Variants in DOCK3 observed in about 807,000 individuals in gnomAD.
The protein encoded by DOCK3 is dedicator of cytokinesis 3.
A neutral mutation model predicts 265.6 loss-of-function variants in DOCK3; 60 were observed. The ratio of observed to expected loss-of-function variants is 0.23; its 90% confidence interval spans 0.18 to 0.28. DOCK3 has a LOEUF of 0.28. Among genes scored for constraint, DOCK3 ranks in the 10% least tolerant of loss-of-function variants. The probability of loss-of-function intolerance (pLI) is 1.00; values close to 1 mark genes in which losing one functional copy is unlikely to be tolerated. For synonymous variants in DOCK3, 881 were observed against 938.0 expected (o/e 0.94, Z 1.11); for missense variants, 1,981 against 2,594.3 (o/e 0.76, Z 5.14).
chr3:50,755,655 T>A (rs993998934), intron 1 of DOCK3, among the ~76,000 whole-genome samples: 1 of 152,202 alleles, frequency 6.6e-6, no homozygotes, highest in African/African-American at 2.4e-5. Context: ...CTGTGCCCAA[T>A]AGCAATCAAT....
intron 12 of DOCK3, among the ~76,000 whole-genome samples, chr3:51,206,802 T>C (rs2089239521): frequency 6.6e-6 from 1 of 152,102 alleles, no homozygotes; most frequent in African/African-American, 2.4e-5. Flanking sequence ...CATTAGAAGA[T>C]TATTATACCG....
chr3:50,886,836 C>A (rs1027131210), intron 3 of DOCK3, among the ~76,000 whole-genome samples: 1 of 151,928 alleles, frequency 6.6e-6, no homozygotes, highest in African/African-American at 2.4e-5. Context: ...ACACAACATA[C>A]CAGAATCTCT....
At chr3:51,125,566 C>T (rs1210400608) in intron 9 of DOCK3, among the ~76,000 whole-genome samples, 1 of 152,080 alleles carries the variant, frequency 6.6e-6, no homozygotes, top group East Asian at 1.9e-4. Flanking sequence ...CAAGACTTTG[C>T]CTCATTGAGG....
At chr3:51,002,665 T>C (rs1471997931) in intron 5 of DOCK3, among the ~76,000 whole-genome samples, 1 of 152,222 alleles carries the variant, frequency 6.6e-6, no homozygotes, top group East Asian at 1.9e-4. Context: ...ACCACATTTG[T>C]TTAAACAGCC....
intron 5 of DOCK3, among the ~76,000 whole-genome samples, chr3:50,956,923 C>T (rs1003754972): frequency 5.9e-5 from 9 of 152,094 alleles, no homozygotes; most frequent in African/African-American, 1.7e-4. Context: ...AGTGCAGTGA[C>T]GCCATTTCGG....
intron 7 of DOCK3, 28 bp from the exon 8 acceptor site, chr3:51,089,215 G>C (rs1458436373): frequency 2.5e-6 from 4 of 1,589,942 alleles, no homozygotes; most frequent in Non-Finnish European, 3.4e-6. Flanking sequence ...TCCCGGTAGA[G>C]TTTATTTTTC....
rs375544689 is a variant in DOCK3, at chr3:51,008,580, C to T, written c.316-55868C>T. Among the ~76,000 whole-genome samples the T allele has an allele frequency of 4.0e-4, 61 of 152,272 alleles. 1 individual carries two copies. In the East Asian group the frequency reaches 4.4e-3, roughly 11 times the overall value. ...ACAATCATGTCGTCTGCAACAGGGACAATTTGACTTCCTCTTTTCCTAATT... is the reference window on the plus strand; with the variant it reads ...ACAATCATGTCGTCTGCAACAGGGATAATTTGACTTCCTCTTTTCCTAATT... On this transcript the variant is annotated intron_variant, in intron 5 of 52. Transcript: ENST00000266037.
chr3:51,136,609 G>C (rs1193799010), intron 9 of DOCK3, among the ~76,000 whole-genome samples: 1 of 152,048 alleles, frequency 6.6e-6, no homozygotes, highest in Non-Finnish European at 1.5e-5. Context: ...GTGTGTCTCT[G>C]TTCCACCAGA....
intron 5 of DOCK3, among the ~76,000 whole-genome samples, chr3:50,969,696 T>C (rs562013197): frequency 2.0e-5 from 3 of 152,328 alleles, no homozygotes; most frequent in South Asian, 4.1e-4. Context: ...CCTTAGTGTT[T>C]GCTTGTCTAG....
chr3:50,785,668 C>A (rs2042145478), intron 2 of DOCK3, among the ~76,000 whole-genome samples: 1 of 152,140 alleles, frequency 6.6e-6, no homozygotes, highest in Admixed American at 6.5e-5. Flanking sequence ...AAACCCACTT[C>A]ATCATGGTGG....
At chr3:50,704,161 T>C (rs1276650823) in intron 1 of DOCK3, among the ~76,000 whole-genome samples, 1 of 152,218 alleles carries the variant, frequency 6.6e-6, no homozygotes, top group African/African-American at 2.4e-5. Context: ...ATTTTGATTT[T>C]TAAGAATATG....
intron 5 of DOCK3, among the ~76,000 whole-genome samples, chr3:51,053,550 T>C (rs1268421044): frequency 6.6e-6 from 1 of 151,698 alleles, no homozygotes; most frequent in African/African-American, 2.4e-5. Context: ...ACCTCCTGAG[T>C]AGCTGGGACT....
At chr3:50,764,902 A>G (rs923070428) in intron 1 of DOCK3, among the ~76,000 whole-genome samples, 1 of 152,016 alleles carries the variant, frequency 6.6e-6, no homozygotes, top group Admixed American at 6.6e-5. Flanking sequence ...AACAATGAGT[A>G]ATGTTAAAGG....
chr3:50,991,674 A>G (rs1018357903), intron 5 of DOCK3, among the ~76,000 whole-genome samples: 7 of 152,182 alleles, frequency 4.6e-5, no homozygotes, highest in Admixed American at 4.6e-4. Context: ...AGTATTAGAC[A>G]GATCATTGAG....
At chr3:51,308,595 T>C (rs1207637035) in intron 27 of DOCK3, among the ~76,000 whole-genome samples, 4 of 152,208 alleles carry the variant, frequency 2.6e-5, no homozygotes. Context: ...CAGAACAAAA[T>C]GAAAAGTCTC....
intron 22 of DOCK3, 118 bp downstream of exon 22, chr3:51,246,925 G>A (rs975705737): frequency 1.0e-4 from 98 of 984,848 alleles, no homozygotes; most frequent in Non-Finnish European, 1.4e-4. Context: ...CTGCTTTCAG[G>A]AATGACTGTC....
chr3:50,905,222 T>G (rs2049419556), intron 4 of DOCK3, among the ~76,000 whole-genome samples: 2 of 152,176 alleles, frequency 1.3e-5, no homozygotes. Flanking sequence ...TTCTTTTGGC[T>G]TAGGATTGTC....
intron 2 of DOCK3, among the ~76,000 whole-genome samples, chr3:50,831,700 G>A (rs1310320536): frequency 6.6e-6 from 1 of 152,140 alleles, no homozygotes; most frequent in Non-Finnish European, 1.5e-5. Context: ...ATGTGTGCAT[G>A]CATCTTTATA....
chr3:51,279,682 T>C (rs902415425), intron 26 of DOCK3, among the ~76,000 whole-genome samples: 1 of 152,168 alleles, frequency 6.6e-6, no homozygotes. Flanking sequence ...AAAGAAGTCC[T>C]TGTAGAAGGG....
Sources: allele counts gnomAD v4.1 joint callset (sites outside exome capture counted in the v4.1 genomes callset), GRCh38; gene constraint gnomAD v4.1.1; transcripts MANE v1.5; gene names NCBI Gene and HGNC (gene_info 2026-07-23, HGNC 2026-07-21).